Variants in SLA observed in about 807,000 individuals in gnomAD.
The protein encoded by SLA is src-like-adapter.
A neutral mutation model predicts 30.3 loss-of-function variants in SLA; 16 were observed. That is an observed-to-expected ratio of 0.53 (90% CI 0.36 to 0.80). The LOEUF (loss-of-function observed/expected upper bound fraction) is 0.80. SLA is among the 30% of genes least tolerant of loss of function. SLA has a pLI of 0.01. For synonymous variants in SLA, 143 were observed against 137.8 expected (o/e 1.04, Z -0.26); for missense variants, 310 against 345.2 (o/e 0.90, Z 0.81).
intron 1 of SLA, among the ~76,000 whole-genome samples, chr8:133,079,381 G>C (rs910030893): frequency 6.6e-6 from 1 of 152,238 alleles, no homozygotes; most frequent in Non-Finnish European, 1.5e-5. Flanking sequence ...GTACTACGCT[G>C]TGGTCATCAC....
chr8:133,060,818 G>A (rs1842266523), intron 2 of SLA, among the ~76,000 whole-genome samples: 2 of 152,198 alleles, frequency 1.3e-5, no homozygotes, highest in African/African-American at 4.8e-5. Context: ...CCATTGTGCA[G>A]TGAGGGAAAC....
intron 2 of SLA, among the ~76,000 whole-genome samples, chr8:133,070,847 C>T (rs1253040677): frequency 1.3e-5 from 2 of 152,214 alleles, no homozygotes; most frequent in African/African-American, 4.8e-5. Flanking sequence ...TGAAGTTGTC[C>T]CTTCTCTCTG....
intron 2 of SLA, among the ~76,000 whole-genome samples, chr8:133,067,909 AGGAAG>A: frequency 1.7e-5 from 1 of 59,990 alleles, no homozygotes; most frequent in South Asian, 4.0e-4. Flanking sequence ...GAAGGAAGGA[AGGAAG>A]GAAAGAGAGA....
At chr8:133,096,710 G>C (rs895493679) in intron 1 of SLA, among the ~76,000 whole-genome samples, 2 of 152,202 alleles carry the variant, frequency 1.3e-5, no homozygotes, top group African/African-American at 2.4e-5. Context: ...GTTGTACTGA[G>C]AACTGAGAGA....
intron 1 of SLA, among the ~76,000 whole-genome samples, chr8:133,079,301 G>A (rs1845389710): frequency 6.6e-6 from 1 of 152,188 alleles, no homozygotes; most frequent in South Asian, 2.1e-4. Context: ...AACTACTGGG[G>A]CCCAGACTAA....
chr8:133,079,381 G>A (rs910030893), intron 1 of SLA, among the ~76,000 whole-genome samples: 1 of 152,238 alleles, frequency 6.6e-6, no homozygotes, highest in African/African-American at 2.4e-5. Flanking sequence ...GTACTACGCT[G>A]TGGTCATCAC....
intron 1 of SLA, among the ~76,000 whole-genome samples, chr8:133,084,995 T>C (rs1459487701): frequency 2.6e-5 from 4 of 152,234 alleles, no homozygotes; most frequent in East Asian, 1.9e-4. Context: ...TGAGCCTCAC[T>C]CTTTAATAAA....
chr8:133,096,833 G>A (rs949487643), intron 1 of SLA, among the ~76,000 whole-genome samples: 10 of 152,338 alleles, frequency 6.6e-5, no homozygotes, highest in East Asian at 1.9e-4. Context: ...AAGAGAGCAC[G>A]CACAATGCAC....
intron 3 of SLA, among the ~76,000 whole-genome samples, chr8:133,057,767 CAAAAAACAAAAAAA>C (rs953632129): frequency 1.4e-4 from 13 of 91,682 alleles, no homozygotes; most frequent in Non-Finnish European, 2.2e-4. Flanking sequence ...TTTAGCAAAA[CAAAAAACAAAAAAA>C]AAAAAACAAA....
chr8:133,049,969 C>T lies in SLA; in HGVS notation c.181G>A (p.Ala61Thr), dbSNP rs1229879497. The change falls in exon 5 of 9, where the codon GCT becomes ACT. Residue 61 changes from alanine to threonine, a missense_variant. Ala to Thr is a moderately conservative substitution (Grantham distance 58, BLOSUM62 0). Coordinates refer to ENST00000338087, the MANE Select transcript of SLA (RefSeq NM_001045556.3). ...TCTCGACCAGTGCTAAGAGAAATAG[C>T]TTTCCACCAGCCCCCTTCACTGTAA... ...VISDEGGWWKAISLSTGRESY... is the reference protein window; with the variant it reads ...VISDEGGWWKTISLSTGRESY... The T allele has an allele frequency of 6.2e-7, 1 of 1,613,260 alleles. No homozygotes were observed. The highest frequency in any genetic ancestry group is 1.7e-5 in the Admixed American group (1 of 60,034).
chr8:133,062,033 G>A (rs1349117499), intron 2 of SLA, among the ~76,000 whole-genome samples: 1 of 152,208 alleles, frequency 6.6e-6, no homozygotes, highest in Non-Finnish European at 1.5e-5. Flanking sequence ...ACAATGACCA[G>A]GCTCGCAAAA....
At chr8:133,094,396 A>T (rs1275921782) in intron 1 of SLA, among the ~76,000 whole-genome samples, 4 of 151,462 alleles carry the variant, frequency 2.6e-5, no homozygotes, top group Non-Finnish European at 1.5e-5. Context: ...GCCCGTCACC[A>T]CGCCTGGCTA....
At chr8:133,049,050 G>A (rs1839956282) in intron 5 of SLA, 1 of 409,130 alleles carries the variant, frequency 2.4e-6, no homozygotes, top group Non-Finnish European at 5.0e-6. Context: ...CTTGACAGAT[G>A]AGGATAATGT....
intron 5 of SLA, chr8:133,049,201 G>T (rs768783017): frequency 4.4e-6 from 2 of 454,968 alleles, no homozygotes; most frequent in Non-Finnish European, 8.8e-6. Flanking sequence ...GGAAAGCAGG[G>T]TGCTTATTTT....
chr8:133,096,476 A>G (rs1848432341), intron 1 of SLA: 2 of 1,365,964 alleles, frequency 1.5e-6, no homozygotes, highest in South Asian at 1.2e-5. Context: ...ATTGCTGAGT[A>G]ACTACTGTGT....
At chr8:133,055,886 G>T (rs1841358976) in intron 3 of SLA, among the ~76,000 whole-genome samples, 3 of 151,750 alleles carry the variant, frequency 2.0e-5, no homozygotes, top group Admixed American at 6.6e-5. Flanking sequence ...GCACAGCTCT[G>T]GGGGGAATCA....
chr8:133,050,970 G>A (rs765593945), intron 3 of SLA, 55 bp from the exon 4 acceptor site: 2 of 1,009,820 alleles, frequency 2.0e-6, no homozygotes, highest in East Asian at 2.4e-5. Flanking sequence ...TTCACAAGGA[G>A]CTTAAAGGTA....
Position 133,038,237 on chromosome 8 carries a change from A to G in SLA, c.*287T>C. The G allele has an allele frequency of 2.3e-6, 1 of 431,874 alleles. No homozygotes were observed. The highest frequency in any genetic ancestry group is 4.3e-6 in the Non-Finnish European group (1 of 235,282). 26.8% of individuals were successfully genotyped at this position (431,874 alleles called of 1,614,324 possible). A position where few individuals can be genotyped will look rare whatever the true frequency, so the allele number is the denominator to read the frequency against. On this transcript the variant is annotated 3_prime_UTR_variant, in exon 9 of 9. Transcript: ENST00000338087. ...TTGTGAGAGTGGCTTTGTCCTTCCCACACACACAATGTGTGCATACATACA... is the reference window on the plus strand; with the variant it reads ...TTGTGAGAGTGGCTTTGTCCTTCCCGCACACACAATGTGTGCATACATACA...
intron 5 of SLA, chr8:133,049,133 G>A (rs1472486297): frequency 2.2e-6 from 1 of 456,334 alleles, no homozygotes; most frequent in Non-Finnish European, 4.4e-6. Flanking sequence ...GTGCCCAGGT[G>A]TTCAGGGCTC....
Sources: gnomAD v4.1 joint callset for allele counts (sites outside exome capture counted in the v4.1 genomes callset) on GRCh38, gnomAD v4.1.1 for gene constraint, MANE v1.5 for transcripts, NCBI Gene and HGNC (gene_info 2026-07-23, HGNC 2026-07-21) for gene names.